Variants in TMEM260 observed in about 807,000 individuals in gnomAD.
TMEM260 encodes the protein protein O-mannosyl-transferase TMEM260.
TMEM260 carries 82 observed loss-of-function variants against 88.9 expected under a neutral mutation model. The ratio of observed to expected loss-of-function variants is 0.92; its 90% CI spans 0.77 to 1.11. TMEM260 has a LOEUF of 1.11. TMEM260 is among the 50% of genes least tolerant of loss of function. The probability of loss-of-function intolerance (pLI) is 0.00; values close to 1 mark genes in which losing one functional copy is unlikely to be tolerated. For synonymous variants in TMEM260, 314 were observed against 309.3 expected (o/e 1.02, Z -0.16); for missense variants, 902 against 853.4 (o/e 1.06, Z -0.71).
At chr14:56,607,868 A>G (rs906792568) in intron 5 of TMEM260, among the ~76,000 whole-genome samples, 8 of 151,998 alleles carry the variant, frequency 5.3e-5, no homozygotes, top group African/African-American at 1.9e-4. Context: ...TTATTCCCCA[A>G]CTCTGCAATA....
rs544632963 is a variant in TMEM260, at chr14:56,589,178, G to A, written c.344+3266G>A. Among the ~76,000 whole-genome samples, 5 of 152,214 alleles carry A rather than the reference G, an allele frequency of 3.3e-5. No individual in the cohort carries two copies. In the East Asian group the frequency reaches 7.7e-4, roughly 24 times the overall value. ...GTATCACTAAAAGAGAAGGGAGCATGTTGATAGCATTGTATAAAAATTCTT... is the reference window on the plus strand; with the variant it reads ...GTATCACTAAAAGAGAAGGGAGCATATTGATAGCATTGTATAAAAATTCTT... On this transcript the variant is annotated intron_variant, in intron 3 of 15. Transcript: ENST00000261556.
chr14:56,633,022 T>C lies in TMEM260; in HGVS notation c.1575T>C (p.Ile525=), dbSNP rs755825961. 34 of 1,613,938 alleles carry C rather than the reference T, an allele frequency of 2.1e-5. No individual in the cohort carries two copies. The highest frequency in any genetic ancestry group is 2.8e-5 in the Non-Finnish European group (33 of 1,179,936). The stretch of plus-strand genomic sequence containing the variant: ...AAGAAACATTTGTTTGCATAGGAAT[T>C]CATGAAGGCGACCCAACCTGGAAAA... ...KQKETFVCIG[I]HEGDPTWKKN... Residue 525 remains isoleucine (I), a synonymous_variant, in exon 13 of 16, where the codon ATT becomes ATC. Coordinates refer to ENST00000261556, the MANE Select transcript of TMEM260 (RefSeq NM_017799.4).
chr14:56,613,165 A>C (rs1566550025), intron 7 of TMEM260: 1 of 152,170 alleles, frequency 6.6e-6, no homozygotes, highest in Non-Finnish European at 1.5e-5. Context: ...TTGATACAAA[A>C]TTTTGGAAGA....
chr14:56,618,474 C>T, intron 9 of TMEM260, 120 bp from the exon 10 acceptor site: 2 of 895,642 alleles, frequency 2.2e-6, no homozygotes, highest in South Asian at 1.8e-5. Flanking sequence ...GTTAACAAAA[C>T]CTGAATGACA....
rs750611315 is a variant in TMEM260, at chr14:56,585,901, C to T, written c.333C>T (p.Phe111=). 6.8e-5 allele frequency: 110 copies of T among 1,611,700 alleles called. No homozygotes were observed. Among genetic ancestry groups the T allele is most frequent in the Non-Finnish European group, 9.2e-5 (109 of 1,179,248 alleles). The part of the protein sequence containing the change: ...FGAVAASLLF[F]TVFRLSGSSA... ...CAGTAGCTGCATCATTACTTTTTTT[C>T]ACCGTTTTCAGGTAAAGTAGTTGAT... Residue 111 remains phenylalanine (F), a synonymous_variant, in exon 3 of 16, where the codon TTC becomes TTT. Coordinates refer to ENST00000261556, the MANE Select transcript of TMEM260 (RefSeq NM_017799.4).
At chr14:56,591,588 T>C (rs1420248370) in intron 3 of TMEM260, among the ~76,000 whole-genome samples, 1 of 152,242 alleles carries the variant, frequency 6.6e-6, no homozygotes, top group Admixed American at 6.5e-5. Context: ...TTTTAACCAA[T>C]TTCAGTCTTG....
intron 15 of TMEM260, among the ~76,000 whole-genome samples, chr14:56,646,318 C>T (rs922464167): frequency 6.6e-6 from 1 of 152,112 alleles, no homozygotes; most frequent in African/African-American, 2.4e-5. Flanking sequence ...TATGTAATGT[C>T]TAATTCAAAA....
chr14:56,621,787 A>C, intron 11 of TMEM260, 85 bp downstream of exon 11: 1 of 1,191,876 alleles, frequency 8.4e-7, no homozygotes, highest in Non-Finnish European at 1.2e-6. Context: ...AAAATGGTGG[A>C]CGGGTACAGT....
At chr14:56,653,745 A>AAAAAAAAAACAAC (rs1218839905), downstream of TMEM260, among the ~76,000 whole-genome samples, 38,392 of 136,886 alleles carry the variant, frequency 0.28, 7,743 homozygotes, top group East Asian at 0.5. Flanking sequence ...CCAAAACAAA[A>AAAAAAAAAACAAC]AAAAAAAAAA....
the TMEM260 span, among the ~76,000 whole-genome samples, chr14:56,657,541 C>T: frequency 3.9e-5 from 6 of 152,106 alleles, no homozygotes; most frequent in African/African-American, 1.2e-4. Flanking sequence ...AGACAAGGGC[C>T]CTGTCCCCGA....
upstream of TMEM260, chr14:56,579,765 C>A (rs143781458): frequency 2.1e-3 from 1,412 of 663,726 alleles, 12 homozygotes; most frequent in African/African-American, 0.022. Flanking sequence ...CGCGCTCAGG[C>A]GGAGAAAGGT....
intron 5 of TMEM260, 26 bp downstream of exon 5, chr14:56,605,709 A>C: frequency 1.4e-6 from 2 of 1,383,548 alleles, no homozygotes; most frequent in Non-Finnish European, 2.0e-6. Context: ...TTGTAAAAAA[A>C]AGTACAATAT....
At chr14:56,596,760 T>C (rs1250915520) in intron 3 of TMEM260, among the ~76,000 whole-genome samples, 11 of 117,542 alleles carry the variant, frequency 9.4e-5, no homozygotes, top group African/African-American at 3.6e-4. Context: ...AAACTCTGTC[T>C]CTGTCTCAAA....
chr14:56,630,577 A>G (rs558203300), intron 12 of TMEM260, among the ~76,000 whole-genome samples: 4 of 152,002 alleles, frequency 2.6e-5, no homozygotes, highest in Admixed American at 2.0e-4. Context: ...GAGCTTCTCC[A>G]TCTTTCCTTT....
At chr14:56,606,163 C>T (rs148107547) in intron 5 of TMEM260, among the ~76,000 whole-genome samples, 3 of 152,172 alleles carry the variant, frequency 2.0e-5, no homozygotes, top group South Asian at 2.1e-4. Context: ...TTTCTCAAAA[C>T]GGATTCCCTA....
At chr14:56,633,958 C>T (rs1257845113) in intron 13 of TMEM260, among the ~76,000 whole-genome samples, 7 of 152,038 alleles carry the variant, frequency 4.6e-5, no homozygotes, top group Admixed American at 1.3e-4. Flanking sequence ...AGACAGTATG[C>T]GCAAATACAG....
At chr14:56,652,797 A>G (rs1379779759), downstream of TMEM260, among the ~76,000 whole-genome samples, 1 of 151,976 alleles carries the variant, frequency 6.6e-6, no homozygotes, top group African/African-American at 2.4e-5. Flanking sequence ...TATTCATTCA[A>G]TATGTGGCTT....
intron 12 of TMEM260, among the ~76,000 whole-genome samples, chr14:56,632,628 C>T (rs1421456212): frequency 6.6e-6 from 1 of 151,968 alleles, no homozygotes; most frequent in Non-Finnish European, 1.5e-5. Context: ...CCTTTTTTCC[C>T]CCATGAGATG....
In TMEM260 at chr14:56,633,087, TAGTTCCTTTGG is replaced by T; in HGVS notation, c.1643_1653del (p.Val548AspfsTer6). 1 of 1,613,906 alleles carries T rather than the reference TAGTTCCTTTGG, an allele frequency of 6.2e-7. No homozygotes were observed. The highest frequency in any genetic ancestry group is 1.1e-5 in the South Asian group (1 of 91,080). On this transcript the variant is annotated frameshift_variant, in exon 13 of 16. Transcript: ENST00000261556. LOFTEE classifies it high-confidence loss of function. Reference sequence around the variant, plus strand: ...TGGCCATGGGGGTCTTGTGACAAATTAGTTCCTTTGGAGATTGTATTCAACCCTGAGGAATG... The same window carrying T: ...TGGCCATGGGGGTCTTGTGACAAATTAGATTGTATTCAACCCTGAGGAATG...
Sources: allele counts gnomAD v4.1 joint callset (sites outside exome capture counted in the v4.1 genomes callset), GRCh38; gene constraint gnomAD v4.1.1; transcripts MANE v1.5; gene names NCBI Gene and HGNC (gene_info 2026-07-23, HGNC 2026-07-21).